The following CNTNAP2 variants were observed in gnomAD, a reference collection of about 807,000 sequenced individuals.
CNTNAP2 encodes the protein contactin-associated protein-like 2.
CNTNAP2 carries 98 observed loss-of-function variants against 155.2 expected under a neutral mutation model. The observed-to-expected ratio is 0.63, with a 90% CI of 0.54 to 0.75. The LOEUF is 0.75. CNTNAP2 is among the 30% of genes least tolerant of loss of function. CNTNAP2 has a pLI of 0.00. For synonymous variants in CNTNAP2, 651 were observed against 631.2 expected (o/e 1.03, Z -0.47); for missense variants, 1,727 against 1,688.1 (o/e 1.02, Z -0.40).
intron 21 of CNTNAP2, among the ~76,000 whole-genome samples, chr7:148,305,153 T>C (rs1382224015): frequency 3.6e-5 from 5 of 140,656 alleles, no homozygotes; most frequent in East Asian, 2.1e-4. Context: ...AGCCCAGGAA[T>C]TGGAGACTGC....
intron 2 of CNTNAP2, among the ~76,000 whole-genome samples, chr7:146,823,304 A>ACATGTAAATATACTCATTCTTCAGTATAT (rs1563246599): frequency 5.1e-4 from 57 of 112,722 alleles, no homozygotes; most frequent in African/African-American, 3.0e-3. Context: ...CTTCAGTATA[A>ACATGTAAATATACTCATTCTTCAGTATAT]TTACATGTAA....
chr7:148,177,350 A>T (rs550539496), intron 18 of CNTNAP2, among the ~76,000 whole-genome samples: 1 of 152,308 alleles, frequency 6.6e-6, no homozygotes, highest in Admixed American at 6.5e-5. Context: ...CCATGTGAAG[A>T]CGGAGGCAGA....
chr7:148,348,158 C>A (rs1212762328), intron 21 of CNTNAP2, among the ~76,000 whole-genome samples: 1 of 152,154 alleles, frequency 6.6e-6, no homozygotes, highest in African/African-American at 2.4e-5. Flanking sequence ...GAGCTCTGCT[C>A]CCGGCCACCC....
At chr7:146,424,319 G>T (rs1177935218) in intron 1 of CNTNAP2, among the ~76,000 whole-genome samples, 1 of 152,096 alleles carries the variant, frequency 6.6e-6, no homozygotes, top group African/African-American at 2.4e-5. Context: ...TACAGCAAAA[G>T]GATACAAAGC....
intron 12 of CNTNAP2, among the ~76,000 whole-genome samples, chr7:147,628,513 C>G (rs1163187241): frequency 6.6e-6 from 1 of 152,064 alleles, no homozygotes; most frequent in Non-Finnish European, 1.5e-5. Flanking sequence ...CAAAATAGAA[C>G]CTCCTTAAAG....
intron 3 of CNTNAP2, among the ~76,000 whole-genome samples, chr7:146,965,589 T>C (rs900681736): frequency 2.0e-5 from 3 of 151,732 alleles, no homozygotes; most frequent in Admixed American, 1.3e-4. Flanking sequence ...CAAGCAGAAG[T>C]TGGATGGTTT....
intron 12 of CNTNAP2, among the ~76,000 whole-genome samples, chr7:147,591,130 C>T (rs933762581): frequency 6.6e-6 from 1 of 152,210 alleles, no homozygotes; most frequent in African/African-American, 2.4e-5. Context: ...TTGCCTTTTA[C>T]TCCAAGCATC....
At chr7:147,796,001 A>G (rs1797887284) in intron 13 of CNTNAP2, among the ~76,000 whole-genome samples, 1 of 152,142 alleles carries the variant, frequency 6.6e-6, no homozygotes, top group Admixed American at 6.5e-5. Flanking sequence ...CTAGATCCAC[A>G]ATATAGTAAA....
chr7:146,405,021 C>T (rs1795770632), intron 1 of CNTNAP2, among the ~76,000 whole-genome samples: 1 of 152,116 alleles, frequency 6.6e-6, no homozygotes, highest in Non-Finnish European at 1.5e-5. Flanking sequence ...GAGCACAGGG[C>T]TTGGCACATG....
At chr7:147,360,458 T>G (rs2116894629) in intron 9 of CNTNAP2, among the ~76,000 whole-genome samples, 1 of 152,278 alleles carries the variant, frequency 6.6e-6, no homozygotes, top group South Asian at 2.1e-4. Context: ...GTCCCTATCT[T>G]TAAAGACATG....
intron 16 of CNTNAP2, among the ~76,000 whole-genome samples, chr7:148,143,848 T>A (rs1440944211): frequency 6.6e-6 from 1 of 152,168 alleles, no homozygotes; most frequent in Non-Finnish European, 1.5e-5. Flanking sequence ...GGACTGTCTT[T>A]TCCTTATAAC....
At chr7:147,911,824 G>A (rs766514947) in intron 14 of CNTNAP2, among the ~76,000 whole-genome samples, 1 of 152,074 alleles carries the variant, frequency 6.6e-6, no homozygotes, top group South Asian at 2.1e-4. Context: ...CATTGTGTGG[G>A]TAGAATACAT....
At chr7:147,946,693 G>C (rs769915356) in intron 14 of CNTNAP2, among the ~76,000 whole-genome samples, 3 of 152,074 alleles carry the variant, frequency 2.0e-5, no homozygotes, top group Non-Finnish European at 4.4e-5. Context: ...AGGAATAGCT[G>C]TGAGACCAGG....
chr7:148,198,135 G>A (rs1418753934), intron 18 of CNTNAP2, among the ~76,000 whole-genome samples: 1 of 152,172 alleles, frequency 6.6e-6, no homozygotes, highest in Non-Finnish European at 1.5e-5. Context: ...TGGTTCCAAA[G>A]GGACTGACCC....
chr7:147,849,182 T>C (rs1247963834), intron 13 of CNTNAP2, among the ~76,000 whole-genome samples: 1 of 152,214 alleles, frequency 6.6e-6, no homozygotes, highest in African/African-American at 2.4e-5. Flanking sequence ...ATTAGCATAA[T>C]ATAGTAATAT....
At chr7:147,957,301 A>G (rs137899851) in intron 14 of CNTNAP2, among the ~76,000 whole-genome samples, 1 of 152,292 alleles carries the variant, frequency 6.6e-6, no homozygotes, top group Admixed American at 6.6e-5. Flanking sequence ...CAAAGATGTG[A>G]TAATTACAGT....
At chr7:147,058,799 G>T (rs1159382583) in intron 4 of CNTNAP2, among the ~76,000 whole-genome samples, 1 of 152,126 alleles carries the variant, frequency 6.6e-6, no homozygotes, top group Non-Finnish European at 1.5e-5. Context: ...TAGAGACGGG[G>T]TTTCACCATG....
At chr7:147,443,939 A>G (rs1242017853) in intron 10 of CNTNAP2, among the ~76,000 whole-genome samples, 2 of 152,214 alleles carry the variant, frequency 1.3e-5, no homozygotes, top group African/African-American at 4.8e-5. Flanking sequence ...TTTGTTTGCT[A>G]CTGATTCCTG....
chr7:147,710,881 C>T (rs757587621), intron 13 of CNTNAP2, among the ~76,000 whole-genome samples: 8 of 152,116 alleles, frequency 5.3e-5, no homozygotes, highest in South Asian at 2.1e-4. Flanking sequence ...TAATTTGATG[C>T]TTCTCTAGAG....
Sources: allele counts gnomAD v4.1 joint callset (sites outside exome capture counted in the v4.1 genomes callset), GRCh38; gene constraint gnomAD v4.1.1; transcripts MANE v1.5; gene names NCBI Gene and HGNC (gene_info 2026-07-23, HGNC 2026-07-21).